PRKCH: variants seen among roughly 807,000 people sequenced by gnomAD.
The protein encoded by PRKCH is protein kinase C eta type.
PRKCH carries 28 observed loss-of-function variants against 82.5 expected under a neutral mutation model. The observed-to-expected ratio is 0.34, with a 90% CI of 0.25 to 0.47. The LOEUF (loss-of-function observed/expected upper bound fraction) is 0.47. Ranked by LOEUF, PRKCH falls within the 20% of genes least tolerant of loss-of-function variation. The pLI, the probability that PRKCH is intolerant of heterozygous loss-of-function variation, is 1.00. For missense variants in PRKCH, 705 were observed against 881.8 expected, an observed-to-expected ratio of 0.80 and a Z score of 2.54; for synonymous variants, 322 against 327.4, an observed-to-expected ratio of 0.98 and a Z score of 0.18.
intron 9 of PRKCH, among the ~76,000 whole-genome samples, chr14:61,473,790 C>T (rs994969345): frequency 3.3e-5 from 5 of 152,062 alleles, no homozygotes; most frequent in African/African-American, 7.2e-5. Flanking sequence ...GTCAGGAGTT[C>T]GAGACCAGCC....
At chr14:61,413,211 T>C (rs1882360799) in intron 2 of PRKCH, among the ~76,000 whole-genome samples, 2 of 152,098 alleles carry the variant, frequency 1.3e-5, no homozygotes, top group Non-Finnish European at 2.9e-5. Context: ...AATTACAAAG[T>C]GTACCTCTCC....
chr14:61,327,467 T>G (rs2045713602), intron 1 of PRKCH, among the ~76,000 whole-genome samples: 1 of 152,234 alleles, frequency 6.6e-6, no homozygotes, highest in South Asian at 2.1e-4. Flanking sequence ...TGAGGGAGTT[T>G]TATTTCAGTG....
At chr14:61,337,067 CAAA>C (rs3028726) in intron 1 of PRKCH, among the ~76,000 whole-genome samples, 51 of 55,082 alleles carry the variant, frequency 9.3e-4, no homozygotes, top group African/African-American at 3.1e-3. Flanking sequence ...CAGTCTGTCT[CAAA>C]AAAAAAAAAA....
At chr14:61,511,730 C>T (rs1432658468) in intron 10 of PRKCH, among the ~76,000 whole-genome samples, 1 of 152,224 alleles carries the variant, frequency 6.6e-6, no homozygotes, top group Non-Finnish European at 1.5e-5. Context: ...ATTGCTGCTT[C>T]CTGGCGCTTG....
chr14:61,445,655 A>C, intron 3 of PRKCH, 37 bp from the exon 4 acceptor site: 14 of 1,581,634 alleles, frequency 8.9e-6, no homozygotes, highest in Non-Finnish European at 1.2e-5. Flanking sequence ...TTATTGCTGA[A>C]ATACTTGACT....
intron 1 of PRKCH, among the ~76,000 whole-genome samples, chr14:61,338,360 C>G (rs1041250772): frequency 6.6e-6 from 1 of 151,950 alleles, no homozygotes; most frequent in African/African-American, 2.4e-5. Flanking sequence ...TACAGATTTA[C>G]TTTTTTTTGG....
intron 7 of PRKCH, among the ~76,000 whole-genome samples, chr14:61,456,436 G>A (rs1884770828): frequency 6.6e-6 from 1 of 152,176 alleles, no homozygotes; most frequent in Non-Finnish European, 1.5e-5. Context: ...TCCATGAAAT[G>A]GATATTGAAT....
chr14:61,528,594 C>T (rs1314180761), intron 10 of PRKCH, among the ~76,000 whole-genome samples: 1 of 149,190 alleles, frequency 6.7e-6, no homozygotes, highest in Non-Finnish European at 1.5e-5. Context: ...AAATATTTGT[C>T]TCCCATTACA....
chr14:61,476,404 C>T (rs944264928), intron 9 of PRKCH: 2 of 152,238 alleles, frequency 1.3e-5, no homozygotes, highest in African/African-American at 4.8e-5. Flanking sequence ...TACTGGAAAG[C>T]TGTATGTGGA....
At chr14:61,533,460 AAAG>A (rs1240590898) in intron 12 of PRKCH, among the ~76,000 whole-genome samples, 1 of 152,194 alleles carries the variant, frequency 6.6e-6, no homozygotes, top group African/African-American at 2.4e-5. Context: ...CAAAGAGAAA[AAAG>A]AAATGTTCAG....
chr14:61,400,931 T>A (rs933413755), intron 2 of PRKCH, among the ~76,000 whole-genome samples: 1 of 152,162 alleles, frequency 6.6e-6, no homozygotes, highest in African/African-American at 2.4e-5. Flanking sequence ...GTCCAAGATC[T>A]TTCTACACCA....
intron 2 of PRKCH, among the ~76,000 whole-genome samples, chr14:61,412,497 G>A (rs927222227): frequency 1.3e-5 from 2 of 152,020 alleles, no homozygotes; most frequent in African/African-American, 4.8e-5. Flanking sequence ...TCTTCTCAGT[G>A]CTCTCTCTAG....
At chr14:61,257,647 A>ACACACACACG (rs1555371878) in intron 1 of PRKCH, among the ~76,000 whole-genome samples, 1 of 150,922 alleles carries the variant, frequency 6.6e-6, no homozygotes, top group Non-Finnish European at 1.5e-5. Flanking sequence ...ACACACACAC[A>ACACACACACG]CACGCATACA....
intron 1 of PRKCH, among the ~76,000 whole-genome samples, chr14:61,283,477 C>A (rs1409095562): frequency 6.6e-6 from 1 of 152,048 alleles, no homozygotes; most frequent in Non-Finnish European, 1.5e-5. Flanking sequence ...AATGAGGTTA[C>A]CATCAGGTGC....
At chr14:61,432,240 C>A (rs573265571) in intron 2 of PRKCH, among the ~76,000 whole-genome samples, 11 of 152,162 alleles carry the variant, frequency 7.2e-5, no homozygotes, top group Admixed American at 5.2e-4. Flanking sequence ...TTTTTGATAT[C>A]TTTTTATTTT....
At chr14:61,481,788 G>A (rs923724136) in intron 9 of PRKCH, among the ~76,000 whole-genome samples, 1 of 152,016 alleles carries the variant, frequency 6.6e-6, no homozygotes, top group African/African-American at 2.4e-5. Context: ...AAATCATCCT[G>A]CACATTCACG....
chr14:61,387,030 C>A (rs1048388206), intron 1 of PRKCH, among the ~76,000 whole-genome samples: 8 of 152,220 alleles, frequency 5.3e-5, no homozygotes, highest in Admixed American at 5.2e-4. Flanking sequence ...GCTCTCCCCT[C>A]TTTGTTGGCT....
At chr14:61,367,679 A>G (rs943665789) in intron 1 of PRKCH, among the ~76,000 whole-genome samples, 1 of 150,460 alleles carries the variant, frequency 6.6e-6, no homozygotes, top group African/African-American at 2.5e-5. Context: ...AACAACTACA[A>G]TGAATATGCT....
At chr14:61,495,410 C>G (rs1310776151) in intron 10 of PRKCH, among the ~76,000 whole-genome samples, 3 of 152,204 alleles carry the variant, frequency 2.0e-5, no homozygotes, top group Admixed American at 6.5e-5. Flanking sequence ...CTTCTTCCCA[C>G]CAAATTGACC....
Sources: allele counts gnomAD v4.1 joint callset (sites outside exome capture counted in the v4.1 genomes callset), GRCh38; gene constraint gnomAD v4.1.1; transcripts MANE v1.5; gene names NCBI Gene and HGNC (gene_info 2026-07-23, HGNC 2026-07-21).